Variants in DAB1 observed in about 807,000 individuals in gnomAD.
DAB1 encodes the protein disabled homolog 1.
DAB1 carries 15 observed loss-of-function variants against 64.6 expected under a neutral mutation model. The ratio of observed to expected loss-of-function variants is 0.23; its 90% CI spans 0.16 to 0.36. The LOEUF (loss-of-function observed/expected upper bound fraction) is 0.36. Among genes scored for constraint, DAB1 ranks in the 10% least tolerant of loss-of-function variants. DAB1 has a pLI of 1.00. For synonymous variants in DAB1, 235 were observed against 251.9 expected (o/e 0.93, Z 0.64); for missense variants, 596 against 706.7 (o/e 0.84, Z 1.78).
intron 4 of DAB1, among the ~76,000 whole-genome samples, chr1:58,176,255 CAGAT>C (rs1656468684): frequency 6.6e-6 from 1 of 152,122 alleles, no homozygotes; most frequent in African/African-American, 2.4e-5. Flanking sequence ...ATGTAAAAAA[CAGAT>C]AAAGTACAGA....
At chr1:58,007,474 G>A (rs1229932101) in intron 5 of DAB1, among the ~76,000 whole-genome samples, 1 of 152,142 alleles carries the variant, frequency 6.6e-6, no homozygotes, top group Non-Finnish European at 1.5e-5. Context: ...AATTCAGTGT[G>A]TAAGCAATAG....
chr1:57,005,847 C>T (rs913751418), intron 14 of DAB1, among the ~76,000 whole-genome samples: 5 of 152,106 alleles, frequency 3.3e-5, no homozygotes, highest in Non-Finnish European at 7.3e-5. Context: ...AATAAAAATA[C>T]CTGAGTGTTC....
At position 57,291,077 on chromosome 1, in the gene DAB1, A is replaced by C; in HGVS notation, c.-47T>G. 7.5e-7 allele frequency: 1 copy of C among 1,324,752 alleles called. No individual in the cohort carries two copies. The highest frequency in any genetic ancestry group is 1.5e-5 in the African/African-American group (1 of 68,214). The allele number at this position is 1,324,752 out of a possible 1,614,324, so 82.1% of individuals were successfully genotyped here. A position where few individuals can be genotyped will look rare whatever the true frequency, so the allele number is the denominator to read the frequency against. ...TTCACACAGATCCCGGGCCTCGGCC[A>C]GGCTCATTGAGGACTCTTCTCCAAG... On this transcript the variant is annotated 5_prime_UTR_variant, in exon 2 of 15. Transcript: ENST00000371236.
At chr1:58,377,115 G>A (rs534971769) in intron 3 of DAB1, among the ~76,000 whole-genome samples, 1 of 145,666 alleles carries the variant, frequency 6.9e-6, no homozygotes, top group East Asian at 2.1e-4. Flanking sequence ...CACACTGATG[G>A]GTCTTGACTC....
At chr1:57,364,036 T>C (rs2100907450) in intron 1 of DAB1, among the ~76,000 whole-genome samples, 1 of 152,342 alleles carries the variant, frequency 6.6e-6, no homozygotes, top group East Asian at 1.9e-4. Context: ...TCAGATTTCT[T>C]TCCTCAGCAG....
chr1:57,806,791 A>G (rs1651382300), intron 6 of DAB1, among the ~76,000 whole-genome samples: 1 of 152,196 alleles, frequency 6.6e-6, no homozygotes, highest in African/African-American at 2.4e-5. Flanking sequence ...TGGGTACTTT[A>G]CCAAAAATTA....
chr1:57,075,206 G>A (rs1357060375), intron 4 of DAB1, among the ~76,000 whole-genome samples: 2 of 152,148 alleles, frequency 1.3e-5, no homozygotes, highest in Admixed American at 1.3e-4. Context: ...AATTAGATTT[G>A]GAGATGATTG....
chr1:58,321,085 CCTGGTGTTA>C (rs1409113346), intron 4 of DAB1, among the ~76,000 whole-genome samples: 1 of 152,198 alleles, frequency 6.6e-6, no homozygotes, highest in Non-Finnish European at 1.5e-5. Context: ...GTAGTGGCTT[CCTGGTGTTA>C]CTGATCTCTG....
At chr1:57,324,481 C>T (rs1231450027) in intron 1 of DAB1, among the ~76,000 whole-genome samples, 1 of 152,128 alleles carries the variant, frequency 6.6e-6, no homozygotes, top group Non-Finnish European at 1.5e-5. Flanking sequence ...GATTTTTCCC[C>T]ATTGTATGGA....
At chr1:57,699,139 C>G (rs1646879182) in intron 6 of DAB1, among the ~76,000 whole-genome samples, 1 of 152,110 alleles carries the variant, frequency 6.6e-6, no homozygotes, top group African/African-American at 2.4e-5. Context: ...CGGGGTATCA[C>G]TATATTGTCC....
rs1429263641 is a variant in DAB1 at position 57,635,922 on chromosome 1, C to A, written n.625+13670G>T. On this transcript the variant is annotated intron_variant and non_coding_transcript_variant, in intron 7 of 20. Coordinates refer to the DAB1 transcript ENST00000485760. ...CATCCTGGCTAATACGGTGAAACCC[C>A]GTCACTACTAAAAATACAACAAAAA... Among the ~76,000 whole-genome samples the A allele has an allele frequency of 9.2e-5, 14 of 151,732 alleles. 1 individual carries two copies. Among genetic ancestry groups the A allele is most frequent in the African/African-American group, 3.4e-4 (14 of 41,386 alleles).
At chr1:57,089,527 A>G (rs1386807573) in intron 4 of DAB1, among the ~76,000 whole-genome samples, 3 of 151,974 alleles carry the variant, frequency 2.0e-5, no homozygotes, top group African/African-American at 7.2e-5. Context: ...AAGCAGGACC[A>G]GGCATATCAG....
chr1:57,248,675 C>T (rs1200231065), intron 2 of DAB1, among the ~76,000 whole-genome samples: 1 of 152,138 alleles, frequency 6.6e-6, no homozygotes, highest in Non-Finnish European at 1.5e-5. Flanking sequence ...GATTTTGAAG[C>T]TCAAATCTTT....
chr1:57,421,001 A>G (rs1297315492), intron 1 of DAB1, among the ~76,000 whole-genome samples: 1 of 152,226 alleles, frequency 6.6e-6, no homozygotes, highest in Non-Finnish European at 1.5e-5. Context: ...GTTTGACTTG[A>G]GTGAATTATC....
At chr1:58,055,904 T>TTATTATTATTATTATTAC (rs2100539166) in intron 5 of DAB1, among the ~76,000 whole-genome samples, 1 of 151,390 alleles carries the variant, frequency 6.6e-6, no homozygotes, top group African/African-American at 2.4e-5. Context: ...ATTATTATTA[T>TTATTATTATTATTATTAC]TATTTGTATT....
chr1:57,049,538 G>A (rs1648956870), intron 9 of DAB1, among the ~76,000 whole-genome samples: 1 of 150,774 alleles, frequency 6.6e-6, no homozygotes. Context: ...AGGAGACAGG[G>A]TGCTTGGTCC....
intron 3 of DAB1, chr1:58,480,971 G>T: frequency 1.2e-6 from 1 of 858,058 alleles, no homozygotes; most frequent in South Asian, 1.3e-5. Flanking sequence ...TAATTCAACT[G>T]CCCGTTCTTT....
At chr1:57,686,170 A>G (rs1168036292) in intron 6 of DAB1, among the ~76,000 whole-genome samples, 1 of 152,184 alleles carries the variant, frequency 6.6e-6, no homozygotes, top group Non-Finnish European at 1.5e-5. Context: ...AGATTAACAA[A>G]AAAAGGAAGA....
At chr1:58,461,963 T>C (rs1645246055) in intron 3 of DAB1, among the ~76,000 whole-genome samples, 2 of 152,152 alleles carry the variant, frequency 1.3e-5, no homozygotes, top group South Asian at 4.1e-4. Context: ...ATCATGCTGC[T>C]CTCCCTTGTA....
Sources: gnomAD v4.1 joint callset for allele counts (sites outside exome capture counted in the v4.1 genomes callset) on GRCh38, gnomAD v4.1.1 for gene constraint, MANE v1.5 for transcripts, NCBI Gene and HGNC (gene_info 2026-07-23, HGNC 2026-07-21) for gene names.